Variants in RUFY3 observed in about 807,000 individuals in gnomAD.
RUFY3 encodes protein RUFY3.
RUFY3 carries 34 observed loss-of-function variants against 84.0 expected under a neutral mutation model. The observed-to-expected ratio is 0.40, with a 90% CI of 0.31 to 0.54. RUFY3 has a LOEUF of 0.54. Ranked by LOEUF, RUFY3 falls within the 20% of genes least tolerant of loss-of-function variation. The pLI is 0.39. For missense variants in RUFY3, 507 were observed against 736.8 expected (o/e 0.69, Z 3.61); for synonymous variants, 242 against 252.9 (o/e 0.96, Z 0.41).
At chr4:70,717,324 G>A (rs949925489), upstream of RUFY3, among the ~76,000 whole-genome samples, 1 of 152,148 alleles carries the variant, frequency 6.6e-6, no homozygotes, top group African/African-American at 2.4e-5. Flanking sequence ...TGGTAGTAGG[G>A]TGAACCAAGT....
At chr4:70,757,892 A>G (rs1164627671) in intron 1 of RUFY3, among the ~76,000 whole-genome samples, 1 of 152,234 alleles carries the variant, frequency 6.6e-6, no homozygotes. Context: ...TATTGGAATG[A>G]TAGTGTTAAA....
intron 14 of RUFY3, among the ~76,000 whole-genome samples, chr4:70,795,301 C>T (rs1413185566): frequency 6.6e-6 from 1 of 152,158 alleles, no homozygotes. Context: ...GGATTTGCTT[C>T]TGTATACCTT....
At chr4:70,774,177 C>G (rs1341440928) in intron 6 of RUFY3, among the ~76,000 whole-genome samples, 1 of 152,040 alleles carries the variant, frequency 6.6e-6, no homozygotes, top group Admixed American at 6.6e-5. Flanking sequence ...TCTCACTGTT[C>G]TTTTAGTAAT....
intron 11 of RUFY3, 65 bp downstream of exon 11, chr4:70,789,038 C>G: frequency 6.4e-7 from 1 of 1,568,788 alleles, no homozygotes; most frequent in Non-Finnish European, 8.7e-7. Flanking sequence ...CTCCTCCCAT[C>G]TGATCCTCCA....
intron 1 of RUFY3, among the ~76,000 whole-genome samples, chr4:70,715,877 G>A (rs2086101873): frequency 1.3e-5 from 2 of 152,122 alleles, no homozygotes; most frequent in South Asian, 4.2e-4. Context: ...ACTTTGGGAG[G>A]CCAAGGCGGG....
chr4:70,720,408 T>G, upstream of RUFY3, among the ~76,000 whole-genome samples: 1 of 152,188 alleles, frequency 6.6e-6, no homozygotes, highest in Admixed American at 6.5e-5. Context: ...GGTCTCGAAC[T>G]CCTGACCTCA....
chr4:70,771,781 C>T (rs1341549499), intron 5 of RUFY3, among the ~76,000 whole-genome samples: 4 of 152,120 alleles, frequency 2.6e-5, no homozygotes, highest in South Asian at 2.1e-4. Context: ...CCTCCTGCCT[C>T]GGCCTCCCAA....
At chr4:70,737,445 CCA>C (rs1720505245) in intron 1 of RUFY3, among the ~76,000 whole-genome samples, 1 of 151,976 alleles carries the variant, frequency 6.6e-6, no homozygotes, top group African/African-American at 2.4e-5. Flanking sequence ...TCTGAGAATC[CCA>C]CAGTGTCCAG....
At chr4:70,732,455 C>G (rs1481483551) in intron 1 of RUFY3, among the ~76,000 whole-genome samples, 1 of 152,120 alleles carries the variant, frequency 6.6e-6, no homozygotes, top group Admixed American at 6.5e-5. Context: ...GACACATGCA[C>G]ACGTATGTTT....
intron 1 of RUFY3, among the ~76,000 whole-genome samples, chr4:70,757,595 A>G (rs1724253821): frequency 6.6e-6 from 1 of 152,174 alleles, no homozygotes; most frequent in African/African-American, 2.4e-5. Flanking sequence ...CAAGAGTGAA[A>G]CTCCATCTGA....
chr4:70,756,200 C>T (rs1723991623), intron 1 of RUFY3, among the ~76,000 whole-genome samples: 2 of 152,298 alleles, frequency 1.3e-5, no homozygotes, highest in Middle Eastern at 6.8e-3. Context: ...GAATGTCTCT[C>T]CATGCTGACT....
At chr4:70,714,520 A>G (rs1741357165) in intron 1 of RUFY3, among the ~76,000 whole-genome samples, 1 of 152,216 alleles carries the variant, frequency 6.6e-6, no homozygotes, top group South Asian at 2.1e-4. Flanking sequence ...TGTACATGTA[A>G]TGAAGCCAGT....
At chr4:70,778,287 TAAGTGTGAAGGGTTTAA>T (rs1262021490) in intron 7 of RUFY3, 65 bp from the exon 8 acceptor site, 2 of 586,114 alleles carry the variant, frequency 3.4e-6, no homozygotes, top group Non-Finnish European at 6.1e-6. Flanking sequence ...CAATGAAGGA[TAAGTGTGAAGGGTTTAA>T]AAAGGAAGGT....
intron 1 of RUFY3, among the ~76,000 whole-genome samples, chr4:70,757,145 C>T (rs913067336): frequency 2.6e-5 from 4 of 151,808 alleles, no homozygotes; most frequent in African/African-American, 9.7e-5. Flanking sequence ...TGGTTGCACA[C>T]ACCTGTTTAT....
chr4:70,792,640 C>A, intron 12 of RUFY3: 2 of 985,298 alleles, frequency 2.0e-6, no homozygotes, highest in Non-Finnish European at 2.4e-6. Context: ...ATTTCAGCTG[C>A]TTTGGTGGGG....
chr4:70,770,850 T>G (rs1726831497), intron 5 of RUFY3, among the ~76,000 whole-genome samples: 1 of 152,192 alleles, frequency 6.6e-6, no homozygotes, highest in African/African-American at 2.4e-5. Flanking sequence ...GGCTTTTGAT[T>G]TAAAATAAGA....
At chr4:70,714,996 T>C (rs1741401902) in intron 1 of RUFY3, among the ~76,000 whole-genome samples, 1 of 152,236 alleles carries the variant, frequency 6.6e-6, no homozygotes, top group Non-Finnish European at 1.5e-5. Flanking sequence ...TGGTAGTGTT[T>C]GTTTCTAACA....
intron 1 of RUFY3, among the ~76,000 whole-genome samples, chr4:70,737,257 C>T (rs1186770038): frequency 6.6e-6 from 1 of 151,750 alleles, no homozygotes; most frequent in African/African-American, 2.4e-5. Flanking sequence ...TTTAAGCTAA[C>T]AGTAGTGTCC....
intron 14 of RUFY3, among the ~76,000 whole-genome samples, chr4:70,796,346 A>T (rs1731502312): frequency 6.6e-6 from 1 of 152,120 alleles, no homozygotes; most frequent in African/African-American, 2.4e-5. Context: ...TTTTGCTTTG[A>T]TTGCACCACT....
Sources: allele counts gnomAD v4.1 joint callset (sites outside exome capture counted in the v4.1 genomes callset), GRCh38; gene constraint gnomAD v4.1.1; transcripts MANE v1.5; gene names NCBI Gene and HGNC (gene_info 2026-07-23, HGNC 2026-07-21).